The following RAB11B variants were observed in gnomAD, a reference collection of about 807,000 sequenced individuals.
RAB11B encodes ras-related protein Rab-11B.
RAB11B carries 7 observed loss-of-function variants against 23.7 expected under a neutral mutation model. The ratio of observed to expected loss-of-function variants is 0.29; its 90% confidence interval spans 0.17 to 0.55. The LOEUF is 0.55. Ranked by LOEUF, RAB11B falls within the 20% of genes least tolerant of loss-of-function variation. The pLI, the probability that RAB11B is intolerant of heterozygous loss-of-function variation, is 0.93. For synonymous variants in RAB11B, 138 were observed against 132.0 expected (o/e 1.05, Z -0.31); for missense variants, 189 against 320.0 (o/e 0.59, Z 3.12).
rs10426087 is a variant in RAB11B at position 8,390,462 on chromosome 19, G to T, written c.40+6G>T. ...GTACGACTACCTATTCAAAGGTGCG[G>T]CCGGTGGGGCACAGACGGGCGAAGT... On this transcript the variant is annotated splice_donor_region_variant and intron_variant, in intron 1 of 4. Coordinates refer to ENST00000328024, the MANE Select transcript of RAB11B (RefSeq NM_004218.4). The T allele has an allele frequency of 5.3e-3, 7,930 of 1,506,942 alleles. 381 individuals are homozygous for T. In the African/African-American group the frequency reaches 0.1, roughly 20 times the overall value. 93.3% of individuals were successfully genotyped at this position (1,506,942 alleles called of 1,614,324 possible).
intron 1 of RAB11B, among the ~76,000 whole-genome samples, chr19:8,394,119 C>G (rs1599685001): frequency 6.6e-6 from 1 of 152,206 alleles, no homozygotes. Flanking sequence ...CCCCGCTGGC[C>G]ACCTCTCTGC....
At chr19:8,392,920 A>G (rs577368913) in intron 1 of RAB11B, among the ~76,000 whole-genome samples, 1 of 150,476 alleles carries the variant, frequency 6.6e-6, no homozygotes, top group African/African-American at 2.4e-5. Flanking sequence ...TCCTGACCTC[A>G]GGTGATCCAC....
intron 1 of RAB11B, among the ~76,000 whole-genome samples, chr19:8,397,168 C>A (rs923397373): frequency 1.3e-5 from 2 of 152,090 alleles, no homozygotes; most frequent in Admixed American, 1.3e-4. Context: ...AGGGAGTGAT[C>A]GGGAGCTTGG....
chr19:8,390,512 CGGGCCAAGGCCGCGCTCCAGGCCGCT>C (rs1215667273), intron 1 of RAB11B, 56 bp downstream of exon 1: 1 of 1,440,092 alleles, frequency 6.9e-7, no homozygotes, highest in South Asian at 1.5e-5. Flanking sequence ...GGCGGGCAGA[CGGGCCAAGGCCGCGCTCCAGGCCGCT>C]GGGCCCAGGC....
rs893214285 is a variant in RAB11B, at chr19:8,396,459, G to A, written c.41-3404G>A. On this transcript the variant is annotated intron_variant, in intron 1 of 4. Transcript: ENST00000328024. This position sits in a 1 kb window ranked among gnomAD's most constrained non-coding sequence, Gnocchi z 5.0. ...CAGGTGAGAGAGTGGCAAGAGTGAC[G>A]GAGGAAGAACTGGGTCCGGGAGCAG... 6.6e-5 allele frequency among the ~76,000 whole-genome samples: 10 copies of A among 152,178 alleles called. No homozygotes were observed. The highest frequency in any genetic ancestry group is 2.1e-4 in the South Asian group (1 of 4,830).
At chr19:8,402,657 G>GT (rs1971447997) in intron 4 of RAB11B, 92 bp downstream of exon 4, 1 of 1,094,874 alleles carries the variant, frequency 9.1e-7, no homozygotes, top group Non-Finnish European at 1.4e-6. Context: ...TCGTTTGCTT[G>GT]TTTTTTTCTT....
chr19:8,403,582 C>T lies in RAB11B; in HGVS notation c.*24C>T, dbSNP rs751029054. The T allele has an allele frequency of 2.5e-5, 40 of 1,596,642 alleles. No individual in the cohort carries two copies. The South Asian group carries it at 2.6e-4, about 10-fold the overall frequency. On this transcript the variant is annotated 3_prime_UTR_variant, in exon 5 of 5. Transcript: ENST00000328024. Reference sequence around the variant, plus strand: ...GACCCCTGCGCCTCCACCCAGCGTGCGTGCACGTCCTCCGCCCGCCCCCGC... The same window carrying T: ...GACCCCTGCGCCTCCACCCAGCGTGTGTGCACGTCCTCCGCCCGCCCCCGC...
In RAB11B at chr19:8,400,116, C is replaced by T. The variant is rs563397026; in HGVS notation, c.236+58C>T. The T allele has an allele frequency of 8.9e-6, 14 of 1,572,592 alleles. No individual in the cohort carries two copies. In the African/African-American group the frequency reaches 9.4e-5, roughly 11 times the overall value. On this transcript the variant is annotated intron_variant, in intron 2 of 4. Transcript: ENST00000328024. ...GATTCGGGGGCGTGGGCTTGCAGCGCGTGGGCTTGGAAGGATGTGTAGGAG... is the reference window on the plus strand; with the variant it reads ...GATTCGGGGGCGTGGGCTTGCAGCGTGTGGGCTTGGAAGGATGTGTAGGAG...
At chr19:8,394,765 A>G (rs758316408) in intron 1 of RAB11B, among the ~76,000 whole-genome samples, 10 of 152,186 alleles carry the variant, frequency 6.6e-5, no homozygotes, top group South Asian at 2.1e-4. Context: ...CCCCACCTCT[A>G]CTAAAAATAC....
At chr19:8,390,486 G>A in intron 1 of RAB11B, 30 bp downstream of exon 1, 1 of 1,482,366 alleles carries the variant, frequency 6.7e-7, no homozygotes, top group Non-Finnish European at 8.9e-7. Flanking sequence ...GACGGGCGAA[G>A]TCGTGGCGGC....
chr19:8,400,713 A>G (rs1380396578), intron 2 of RAB11B, among the ~76,000 whole-genome samples: 2 of 151,778 alleles, frequency 1.3e-5, no homozygotes, highest in Admixed American at 6.6e-5. Context: ...CAGCCTCCCA[A>G]GTAGCTGGGA....
At position 8,403,885 on chromosome 19, in the gene RAB11B, C is replaced by T. The variant is rs945643036; in HGVS notation, c.*327C>T. Reference sequence around the variant, plus strand: ...GCCGCCTTCTCCCCTTTTCCTTGGCCGACTCTAGGGAGCGATTGCCTCCCT... The same window carrying T: ...GCCGCCTTCTCCCCTTTTCCTTGGCTGACTCTAGGGAGCGATTGCCTCCCT... On this transcript the variant is annotated 3_prime_UTR_variant, in exon 5 of 5. Coordinates refer to ENST00000328024, the MANE Select transcript of RAB11B (RefSeq NM_004218.4). 3.5e-5 allele frequency: 9 copies of T among 253,698 alleles called. No homozygotes were observed. Among genetic ancestry groups the T allele is most frequent in the African/African-American group, 1.1e-4 (5 of 44,838 alleles). 15.7% of individuals were successfully genotyped at this position (253,698 alleles called of 1,614,324 possible).
intron 2 of RAB11B, among the ~76,000 whole-genome samples, 176 bp from the exon 3 acceptor site, chr19:8,401,910 T>A (rs902056150): frequency 6.6e-6 from 1 of 152,198 alleles, no homozygotes; most frequent in African/African-American, 2.4e-5. Context: ...CAGAGCTGGA[T>A]CCAGGGAGCA....
At chr19:8,402,839 T>G (rs1971449353) in intron 4 of RAB11B, 3 of 558,796 alleles carry the variant, frequency 5.4e-6, no homozygotes, top group Non-Finnish European at 9.4e-6. Flanking sequence ...TTTTTGTAAT[T>G]TTTAGTAGAG....
chr19:8,395,778 C>T (rs1366280522), intron 1 of RAB11B, among the ~76,000 whole-genome samples: 6 of 152,118 alleles, frequency 3.9e-5, no homozygotes, highest in Non-Finnish European at 8.8e-5. Flanking sequence ...GCTGGGGTGC[C>T]CAGAGCCTCA....
At chr19:8,402,375 C>G in intron 3 of RAB11B, 96 bp downstream of exon 3, 1 of 1,541,636 alleles carries the variant, frequency 6.5e-7, no homozygotes. Flanking sequence ...GCTTCCCTTC[C>G]CTGAGGAGTG....
rs1971397810 is a variant in RAB11B, at chr19:8,396,572, G to C, written c.41-3291G>C. On this transcript the variant is annotated intron_variant, in intron 1 of 4. Transcript: ENST00000328024. This position sits in a 1 kb window ranked among gnomAD's most constrained non-coding sequence, Gnocchi z 5.0. Reference sequence around the variant, plus strand: ...TTAAGGGGCCACACGAAGGGGATGAGGGAGGGAGCCAGGTGTGTGCCTGGA... The same window carrying C: ...TTAAGGGGCCACACGAAGGGGATGACGGAGGGAGCCAGGTGTGTGCCTGGA... Among the ~76,000 whole-genome samples the C allele has an allele frequency of 6.6e-6, 1 of 152,156 alleles. No individual in the cohort carries two copies. Among genetic ancestry groups the C allele is most frequent in the Non-Finnish European group, 1.5e-5 (1 of 68,022 alleles).
intron 4 of RAB11B, 100 bp from the exon 5 acceptor site, chr19:8,403,313 G>T: frequency 1.4e-6 from 2 of 1,439,576 alleles, no homozygotes; most frequent in Admixed American, 2.0e-5. Flanking sequence ...GGCGCTGTGG[G>T]GGTCTGGAGA....
At chr19:8,395,021 A>G (rs1418464709) in intron 1 of RAB11B, among the ~76,000 whole-genome samples, 1 of 152,236 alleles carries the variant, frequency 6.6e-6, no homozygotes, top group African/African-American at 2.4e-5. Flanking sequence ...AGGTGTCGGG[A>G]ATGCCTGGGC....
Sources: allele counts gnomAD v4.1 joint callset (sites outside exome capture counted in the v4.1 genomes callset), GRCh38; gene constraint gnomAD v4.1.1; non-coding constraint Gnocchi (gnomAD v3.1); transcripts MANE v1.5; gene names NCBI Gene and HGNC (gene_info 2026-07-23, HGNC 2026-07-21).